SNX19: variants seen among roughly 807,000 people sequenced by gnomAD.
SNX19 encodes the protein sorting nexin-19.
In SNX19, 60 loss-of-function variants were observed where a neutral mutation model predicts 85.2. The ratio of observed to expected loss-of-function variants is 0.70; its 90% CI spans 0.57 to 0.87. The LOEUF (loss-of-function observed/expected upper bound fraction) is 0.87. Ranked by LOEUF, SNX19 falls within the 40% of genes least tolerant of loss-of-function variation. The pLI is 0.00. For synonymous variants in SNX19, 520 were observed against 470.0 expected, an observed-to-expected ratio of 1.11 and a Z score of -1.38; for missense variants, 1,201 against 1,217.8, an observed-to-expected ratio of 0.99 and a Z score of 0.21.
chr11:130,911,614 G>A lies in SNX19; in HGVS notation c.1813+19C>T. Reference sequence around the variant, plus strand: ...ACGTGGGAAGCAAGCGGGCAGTAGGGGTTGGGGAAACTCCTGACTTTTGAT... The same window carrying A: ...ACGTGGGAAGCAAGCGGGCAGTAGGAGTTGGGGAAACTCCTGACTTTTGAT... On this transcript the variant is annotated intron_variant, in intron 2 of 10. Coordinates refer to ENST00000265909, the MANE Select transcript of SNX19 (RefSeq NM_014758.3). The A allele has an allele frequency of 3.7e-6, 6 of 1,613,904 alleles. No homozygotes were observed. The highest frequency in any genetic ancestry group is 5.1e-6 in the Non-Finnish European group (6 of 1,179,906).
At chr11:130,886,968 A>G in intron 8 of SNX19, among the ~76,000 whole-genome samples, 1 of 152,210 alleles carries the variant, frequency 6.6e-6, no homozygotes, top group Admixed American at 6.5e-5. Context: ...TGAGGAGGAA[A>G]TGAACCCCGA....
At chr11:130,904,569 T>G (rs777404822) in intron 7 of SNX19, among the ~76,000 whole-genome samples, 10 of 152,228 alleles carry the variant, frequency 6.6e-5, no homozygotes, top group Non-Finnish European at 1.3e-4. Flanking sequence ...TCCTCAATTG[T>G]ATGATTCTCT....
At chr11:130,910,405 A>G (rs1033093646) in intron 2 of SNX19, 35 bp from the exon 3 acceptor site, 1 of 1,417,390 alleles carries the variant, frequency 7.1e-7, no homozygotes, top group South Asian at 1.2e-5. Context: ...ATATTCACTC[A>G]TTTAACATTC....
Position 130,914,500 on chromosome 11 carries a change from C to G in SNX19, c.1440G>C (p.Pro480=). The G allele has an allele frequency of 6.2e-7, 1 of 1,613,870 alleles. No homozygotes were observed. The highest frequency in any genetic ancestry group is 8.5e-7 in the Non-Finnish European group (1 of 1,179,800). ...TGGTGAGATCCTTCTCTAAGCATGA[C>G]GGCCGTGAGGGGCAGGTCTTTTCTG... is the stretch of plus-strand genomic sequence containing the variant. ...EGPEKTCPSR[P]SCLEKDLTND... is the part of the protein sequence containing the mutation. Residue 480 remains proline, a synonymous_variant, in exon 1 of 11, where the codon CCG becomes CCC. Transcript: ENST00000265909.
At chr11:130,907,610 A>G (rs954007910) in intron 5 of SNX19, among the ~76,000 whole-genome samples, 3 of 152,220 alleles carry the variant, frequency 2.0e-5, no homozygotes. Context: ...GATCAGTTAT[A>G]AGCCTTAATT....
chr11:130,884,510 C>T (rs768430866), intron 8 of SNX19, among the ~76,000 whole-genome samples: 5 of 152,152 alleles, frequency 3.3e-5, no homozygotes, highest in Non-Finnish European at 7.4e-5. Context: ...TACTATTAGG[C>T]TGACAGAAAT....
chr11:130,911,079 T>C (rs146680051), intron 2 of SNX19, among the ~76,000 whole-genome samples: 23,966 of 151,296 alleles, frequency 0.16, 2,137 homozygotes, highest in Middle Eastern at 0.24. Flanking sequence ...CCTGTAATCC[T>C]AGCTACTCTG....
At chr11:130,881,023 C>T (rs1037550425) in intron 8 of SNX19, 2 of 372,344 alleles carry the variant, frequency 5.4e-6, no homozygotes, top group East Asian at 3.9e-5. Context: ...CTTCTCACCC[C>T]TTTTGCCATA....
At position 130,915,246 on chromosome 11, in the gene SNX19, G is replaced by C. The variant is rs771411790; in HGVS notation, c.694C>G (p.Arg232Gly). ...TCGACCACTACATGGCGTCCGGTACGAGTCTCCAAGTGGGGCTTGGGCACC... is the reference window on the plus strand; with the variant it reads ...TCGACCACTACATGGCGTCCGGTACCAGTCTCCAAGTGGGGCTTGGGCACC... ...GLVPKPHLET[R>G]TGRHVVVELI... is the part of the protein sequence containing the mutation. Residue 232 changes from arginine to glycine, a missense_variant, in exon 1 of 11, where the codon CGT becomes GGT. Physicochemically the swap from Arg to Gly is moderately radical, Grantham distance 125. This residue lies in a region of SNX19 where 791 missense variants were observed against 750.9 expected (regional missense o/e 1.05). Coordinates refer to ENST00000265909, the MANE Select transcript of SNX19 (RefSeq NM_014758.3). The C allele has an allele frequency of 1.9e-6, 3 of 1,614,108 alleles. No individual in the cohort carries two copies. In the African/African-American group the frequency reaches 4.0e-5, roughly 22 times the overall value.
chr11:130,912,142 A>G (rs1309992322), intron 1 of SNX19, among the ~76,000 whole-genome samples: 1 of 152,212 alleles, frequency 6.6e-6, no homozygotes, highest in Non-Finnish European at 1.5e-5. Context: ...GGGGCAAACC[A>G]TTTTTCCATT....
intron 1 of SNX19, among the ~76,000 whole-genome samples, chr11:130,913,555 TG>T: frequency 6.6e-6 from 1 of 152,258 alleles, no homozygotes; most frequent in Middle Eastern, 3.4e-3. Context: ...AGGCTGTCCC[TG>T]GTGGTAGCTT....
intron 7 of SNX19, chr11:130,905,563 G>C: frequency 2.1e-6 from 2 of 971,056 alleles, no homozygotes; most frequent in Non-Finnish European, 2.9e-6. Flanking sequence ...GGAGCCAACA[G>C]AGTGGACTAA....
chr11:130,892,655 C>T (rs10732869), intron 8 of SNX19: 90,938 of 151,952 alleles, frequency 0.6, 27,629 homozygotes, highest in South Asian at 0.73. Flanking sequence ...TGGTACTGAG[C>T]AGTTAAGAAA....
In SNX19 at chr11:130,879,745, T is replaced by C. The variant is rs145177899; in HGVS notation, c.2759-34A>G. On this transcript the variant is annotated intron_variant, in intron 9 of 10. Transcript: ENST00000265909. The stretch of plus-strand genomic sequence containing the variant: ...GAAAAAACAGATGGAATTTGCGTGT[T>C]ATCACTGAAGTTTTAGATTCTAAGG... 786 of 1,591,480 alleles carry C rather than the reference T, an allele frequency of 4.9e-4. 3 individuals are homozygous for C. The African/African-American group carries it at 9.1e-3, about 18-fold the overall frequency.
At chr11:130,889,610 A>G (rs901735485) in intron 8 of SNX19, among the ~76,000 whole-genome samples, 6 of 152,146 alleles carry the variant, frequency 3.9e-5, no homozygotes, top group Non-Finnish European at 8.8e-5. Context: ...TCATTCTGTT[A>G]CGCTCCTGTG....
At position 130,874,546 on chromosome 11, in the gene SNX19, G is replaced by C. The variant is rs886191209; in HGVS notation, c.*3876C>G. On this transcript the variant is annotated 3_prime_UTR_variant, in exon 11 of 11. Transcript: ENST00000265909. ...CCCCTTAAGAGGTCTCAGAGTTGCT[G>C]AATCACCAAACTCCTGGGCTTACCT... 6.6e-6 allele frequency among the ~76,000 whole-genome samples: 1 copy of C among 152,210 alleles called. No individual in the cohort carries two copies. Among genetic ancestry groups the C allele is most frequent in the African/African-American group, 2.4e-5 (1 of 41,466 alleles).
chr11:130,880,523 G>A, intron 9 of SNX19, 99 bp downstream of exon 9: 1 of 1,085,768 alleles, frequency 9.2e-7, no homozygotes, highest in Non-Finnish European at 1.3e-6. Context: ...GCCACATTCA[G>A]GGCCCTTTTA....
chr11:130,900,153 T>A (rs1945163649), intron 8 of SNX19, among the ~76,000 whole-genome samples: 1 of 152,052 alleles, frequency 6.6e-6, no homozygotes, highest in African/African-American at 2.4e-5. Flanking sequence ...CCAAAAAATT[T>A]AAAAAATTAG....
At chr11:130,893,811 C>T in intron 8 of SNX19, 1 of 702,368 alleles carries the variant, frequency 1.4e-6, no homozygotes, top group South Asian at 1.5e-5. Context: ...AAGGCTGAAT[C>T]CTCTCCGAGA....
Sources: gnomAD v4.1 joint callset for allele counts (sites outside exome capture counted in the v4.1 genomes callset) on GRCh38, gnomAD v4.1.1 for gene constraint, gnomAD v4.1.1 regional missense constraint, MANE v1.5 for transcripts, NCBI Gene and HGNC (gene_info 2026-07-23, HGNC 2026-07-21) for gene names.